Variants in SLAMF8 observed in about 807,000 individuals in gnomAD.
SLAMF8 encodes SLAM family member 8.
In SLAMF8, 23 loss-of-function variants were observed where a neutral mutation model predicts 29.0. The observed-to-expected ratio is 0.79, with a 90% CI of 0.57 to 1.13. The LOEUF (loss-of-function observed/expected upper bound fraction) is 1.13, where lower values mean the gene tolerates loss of function less well. Among genes scored for constraint, SLAMF8 ranks in the 50% most tolerant of loss-of-function variants. SLAMF8 has a pLI of 0.00. For synonymous variants in SLAMF8, 139 were observed against 145.6 expected, an observed-to-expected ratio of 0.96 and a Z score of 0.32; for missense variants, 381 against 353.1, an observed-to-expected ratio of 1.08 and a Z score of -0.63.
At position 159,830,199 on chromosome 1, in the gene SLAMF8, G is replaced by A. The variant is rs770560028; in HGVS notation, c.367+7G>A. The A allele has an allele frequency of 1.3e-6, 2 of 1,576,748 alleles. No homozygotes were observed. The highest frequency in any genetic ancestry group is 1.7e-6 in the Non-Finnish European group (2 of 1,157,272). On this transcript the variant is annotated splice_region_variant and intron_variant, in intron 2 of 4. Transcript: ENST00000289707. ...CTCCAGCTCAAGGTGTACGGTGAGT[G>A]TGTCTGACACTGGCTGCCTGGCCCT... is the stretch of plus-strand genomic sequence containing the variant.
At chr1:159,835,083 C>T in intron 4 of SLAMF8, 101 bp from the exon 5 acceptor site, 2 of 1,089,646 alleles carry the variant, frequency 1.8e-6, no homozygotes, top group Non-Finnish European at 1.3e-6. Context: ...CTAAGGTGAC[C>T]TTGGGCTAAC....
intron 1 of SLAMF8, 111 bp downstream of exon 1, chr1:159,827,049 C>T: frequency 7.4e-7 from 1 of 1,343,034 alleles, no homozygotes; most frequent in Non-Finnish European, 1.0e-6. Flanking sequence ...AACCCAGAAG[C>T]TGAGGGTGGG....
Position 159,835,517 on chromosome 1 carries a change from C to T in SLAMF8, c.*257C>T. The stretch of plus-strand genomic sequence containing the variant: ...TCTGGGCAAGATGAGCCAAGCAGAA[C>T]ATTCCATCCAGGACACTGGAAGTTC... On this transcript the variant is annotated 3_prime_UTR_variant, in exon 5 of 5. Coordinates refer to ENST00000289707, the MANE Select transcript of SLAMF8 (RefSeq NM_020125.3). 7.9e-7 allele frequency: 1 copy of T among 1,272,044 alleles called. No individual in the cohort carries two copies. The highest frequency in any genetic ancestry group is 9.9e-7 in the Non-Finnish European group (1 of 1,007,690). The allele number at this position is 1,272,044 out of a possible 1,614,324, so 78.8% of individuals were successfully genotyped here.
chr1:159,833,660 C>T (rs1647670715), intron 4 of SLAMF8, among the ~76,000 whole-genome samples: 1 of 152,170 alleles, frequency 6.6e-6, no homozygotes, highest in South Asian at 2.1e-4. Flanking sequence ...ACCCAGCCTC[C>T]CCCCTTCATG....
chr1:159,826,972 G>A lies in SLAMF8; in HGVS notation c.40+34G>A, dbSNP rs1663660065. On this transcript the variant is annotated intron_variant, in intron 1 of 4. Coordinates refer to ENST00000289707, the MANE Select transcript of SLAMF8 (RefSeq NM_020125.3). ...GGCAGGCAGATAGCCTGTCCTCGGAGAGCTGAAGGCCCCTCCCCAGCTGCC... is the reference window on the plus strand; with the variant it reads ...GGCAGGCAGATAGCCTGTCCTCGGAAAGCTGAAGGCCCCTCCCCAGCTGCC... 8 of 1,613,672 alleles carry A rather than the reference G, an allele frequency of 5.0e-6. No individual in the cohort carries two copies. In the East Asian group the frequency reaches 1.8e-4, roughly 36 times the overall value.
rs1648018242 is a variant in SLAMF8 at position 159,837,291 on chromosome 1, A to G, written c.*2031A>G. The G allele has an allele frequency of 5.1e-6, 5 of 985,346 alleles. No individual in the cohort carries two copies. The highest frequency in any genetic ancestry group is 1.7e-5 in the African/African-American group (1 of 57,216). 61.0% of individuals were successfully genotyped at this position (985,346 alleles called of 1,614,324 possible). On this transcript the variant is annotated 3_prime_UTR_variant, in exon 5 of 5. Transcript: ENST00000289707. ...TGGACTAATTAACCCTCCACCAAAA[A>G]AACACAAAGTGCTTCTGTGAGACCA...
intron 1 of SLAMF8, among the ~76,000 whole-genome samples, chr1:159,829,467 C>T (rs1317613498): frequency 6.6e-6 from 1 of 152,176 alleles, no homozygotes; most frequent in Admixed American, 6.5e-5. Context: ...CTTCCCTATC[C>T]TGCTCCAGGC....
chr1:159,832,008 G>A (rs537121325), intron 2 of SLAMF8, among the ~76,000 whole-genome samples: 101 of 152,300 alleles, frequency 6.6e-4, no homozygotes, highest in African/African-American at 2.3e-3. Context: ...AATGCTGTCA[G>A]AGACTGAGCC....
intron 4 of SLAMF8, 128 bp from the exon 5 acceptor site, chr1:159,835,056 G>A: frequency 1.3e-6 from 1 of 795,708 alleles, no homozygotes; most frequent in Non-Finnish European, 2.0e-6. Flanking sequence ...GGAAGACCAG[G>A]AGAAATGTTC....
At position 159,833,088 on chromosome 1, in the gene SLAMF8, G is replaced by T; in HGVS notation, c.580G>T (p.Asp194Tyr). The T allele has an allele frequency of 6.2e-7, 1 of 1,614,218 alleles. No individual in the cohort carries two copies. Among genetic ancestry groups the T allele is most frequent in the South Asian group, 1.1e-5 (1 of 91,078 alleles). Residue 194 changes from aspartate to tyrosine, a missense_variant, in exon 3 of 5, where the codon GAC becomes TAC. Transcript: ENST00000289707. ...GCTGAGCATTTCCCTGGGACCAGGA[G>T]ACAGAGATGTGGCCTATTCCTGCAT... ...QVLSISLGPG[D>Y]RDVAYSCIVS...
intron 1 of SLAMF8, among the ~76,000 whole-genome samples, chr1:159,829,176 T>C (rs892788220): frequency 2.0e-5 from 3 of 152,226 alleles, no homozygotes; most frequent in Non-Finnish European, 2.9e-5. Flanking sequence ...GCCTAAGTCC[T>C]GCCCACCTCC....
At chr1:159,831,008 T>TG (rs1404605204) in intron 2 of SLAMF8, among the ~76,000 whole-genome samples, 6 of 152,184 alleles carry the variant, frequency 3.9e-5, no homozygotes, top group African/African-American at 1.4e-4. Context: ...CTGCATGGAC[T>TG]GGGGGCTGCG....
At chr1:159,833,611 GT>G in intron 4 of SLAMF8, among the ~76,000 whole-genome samples, 2 of 152,234 alleles carry the variant, frequency 1.3e-5, no homozygotes, top group South Asian at 4.1e-4. Flanking sequence ...TTTGTACATT[GT>G]ATTCCCTCTG....
At chr1:159,826,985 C>G (rs776775306) in intron 1 of SLAMF8, 47 bp downstream of exon 1, 1 of 1,611,424 alleles carries the variant, frequency 6.2e-7, no homozygotes, top group Non-Finnish European at 8.5e-7. Context: ...CTGAAGGCCC[C>G]TCCCCAGCTG....
rs912626282 is a variant in SLAMF8, at chr1:159,837,159, A to G, written c.*1899A>G. On this transcript the variant is annotated 3_prime_UTR_variant, in exon 5 of 5. Coordinates refer to ENST00000289707, the MANE Select transcript of SLAMF8 (RefSeq NM_020125.3). ...CTCCCTCCACAAGGTGACTCTTAGC[A>G]ACCTCATTTCGACAGTGGTTTGTAG... 1.0e-6 allele frequency: 1 copy of G among 985,368 alleles called. No homozygotes were observed. The highest frequency in any genetic ancestry group is 1.2e-6 in the Non-Finnish European group (1 of 829,972). 61.0% of individuals were successfully genotyped at this position (985,368 alleles called of 1,614,324 possible).
rs748211205 is a variant in SLAMF8, at chr1:159,829,944, C to G, written c.119C>G (p.Pro40Arg). ...TCGGTGCTGCTGGTGGCAGCGCGTC[C>G]CCCTGGCTTCCAAGTCCGTGAGGCT... The part of the protein sequence containing the change: ...GGSVLLVAAR[P>R]PGFQVREAIW... Residue 40 changes from proline to arginine, a missense_variant, in exon 2 of 5, where the codon CCC (proline) becomes CGC (arginine). Pro to Arg is a moderately radical substitution (Grantham distance 103, BLOSUM62 -2). Coordinates refer to ENST00000289707, the MANE Select transcript of SLAMF8 (RefSeq NM_020125.3). The G allele has an allele frequency of 2.6e-5, 42 of 1,614,142 alleles. No individual in the cohort carries two copies. Among genetic ancestry groups the G allele is most frequent in the Non-Finnish European group, 3.6e-5 (42 of 1,180,056 alleles).
intron 1 of SLAMF8, among the ~76,000 whole-genome samples, chr1:159,828,715 C>T (rs1647245463): frequency 6.6e-6 from 1 of 152,056 alleles, no homozygotes; most frequent in South Asian, 2.1e-4. Flanking sequence ...GCATGGTGGC[C>T]CCAGGCCACT....
chr1:159,828,576 C>G (rs1557886904), intron 1 of SLAMF8, among the ~76,000 whole-genome samples: 1 of 152,206 alleles, frequency 6.6e-6, no homozygotes, highest in Non-Finnish European at 1.5e-5. Flanking sequence ...ATTTACTAGG[C>G]TTCTCCCACA....
At chr1:159,832,620 T>C (rs911384499) in intron 2 of SLAMF8, among the ~76,000 whole-genome samples, 35 of 152,172 alleles carry the variant, frequency 2.3e-4, no homozygotes, top group African/African-American at 7.7e-4. Flanking sequence ...AAACTGCAAA[T>C]TAATTAGGAT....
Sources: gnomAD v4.1 joint callset for allele counts (sites outside exome capture counted in the v4.1 genomes callset) on GRCh38, gnomAD v4.1.1 for gene constraint, MANE v1.5 for transcripts, NCBI Gene and HGNC (gene_info 2026-07-23, HGNC 2026-07-21) for gene names.